FCSK: variants seen among roughly 807,000 people sequenced by gnomAD.
FCSK encodes the protein L-fucose kinase.
FCSK carries 123 observed loss-of-function variants against 122.5 expected under a neutral mutation model. That is an observed-to-expected ratio of 1.00 (90% CI 0.87 to 1.17). The LOEUF is 1.17. Ranked by LOEUF, FCSK falls within the 50% of genes most tolerant of loss-of-function variation. FCSK has a pLI of 0.00. For missense variants in FCSK, 1,366 were observed against 1,450.4 expected (o/e 0.94, Z 0.95); for synonymous variants, 620 against 625.5 (o/e 0.99, Z 0.13).
Position 70,478,408 on chromosome 16 carries a change from C to T in FCSK, c.2778C>T (p.His926=). 2 of 1,614,198 alleles carry T rather than the reference C, an allele frequency of 1.2e-6. No homozygotes were observed. The highest frequency in any genetic ancestry group is 8.5e-7 in the Non-Finnish European group (1 of 1,180,048). ...GCTTTGTCCAGAAGCTCAATGACCA[C>T]CTGCTCTTGGTGTACACTGGCAAGA... is the stretch of plus-strand genomic sequence containing the variant. The part of the protein sequence containing the change: ...PEGFVQKLND[H]LLLVYTGKTR... The change falls in exon 21 of 24, where the codon CAC becomes CAT. Residue 926 remains histidine (H), a synonymous_variant. Transcript: ENST00000288078.
At chr16:70,478,705 T>G (rs2048897874) in intron 22 of FCSK, 55 bp downstream of exon 22, 10 of 1,498,346 alleles carry the variant, frequency 6.7e-6, no homozygotes, top group Non-Finnish European at 9.2e-6. Flanking sequence ...TTCTGTCACT[T>G]GTGGGTTTGA....
At chr16:70,462,437 C>T (rs1026749153) in intron 1 of FCSK, 1 of 152,252 alleles carries the variant, frequency 6.6e-6, no homozygotes, top group African/African-American at 2.4e-5. Context: ...GCAGTCCTCC[C>T]ACCTTAGCTT....
chr16:70,475,622 T>A, intron 19 of FCSK, 26 bp from the exon 20 acceptor site: 1 of 1,575,218 alleles, frequency 6.3e-7, no homozygotes, highest in Non-Finnish European at 8.7e-7. Flanking sequence ...GTGTTTCATG[T>A]CTGCTCTCTC....
chr16:70,472,045 C>T (rs184359038), intron 13 of FCSK, among the ~76,000 whole-genome samples: 2 of 152,064 alleles, frequency 1.3e-5, no homozygotes, highest in Non-Finnish European at 2.9e-5. Flanking sequence ...CCGACCTCAA[C>T]TGATCTGCCT....
At chr16:70,467,573 C>T (rs1026874271) in intron 7 of FCSK, 102 bp downstream of exon 7, 28 of 916,938 alleles carry the variant, frequency 3.1e-5, no homozygotes, top group East Asian at 2.1e-4. Flanking sequence ...TGGATTTCCT[C>T]GCATGTTCCT....
chr16:70,471,605 G>GT (rs973155229), intron 13 of FCSK, among the ~76,000 whole-genome samples: 6 of 151,600 alleles, frequency 4.0e-5, no homozygotes, highest in Middle Eastern at 3.4e-3. Context: ...TGGGGATTTT[G>GT]TTTTTTTTCT....
Position 70,474,870 on chromosome 16 carries a change from C to CG in FCSK, c.2238dup (p.Pro747AlafsTer13). 1 of 1,599,520 alleles carries CG rather than the reference C, an allele frequency of 6.3e-7. No individual in the cohort carries two copies. Among genetic ancestry groups the CG allele is most frequent in the Non-Finnish European group, 8.5e-7 (1 of 1,174,634 alleles). ...CCTGGCTGTGCGAGTGGACGGCCGCCGGCCCATCGGAGCCAGGGCACGCCG... is the reference window on the plus strand; with the variant it reads ...CCTGGCTGTGCGAGTGGACGGCCGCCGGGCCCATCGGAGCCAGGGCACGCCG... On this transcript the variant is annotated frameshift_variant, in exon 18 of 24. Transcript: ENST00000288078. LOFTEE classifies it high-confidence loss of function.
At chr16:70,465,027 G>A in intron 3 of FCSK, 99 bp from the exon 4 acceptor site, 1 of 1,568,526 alleles carries the variant, frequency 6.4e-7, no homozygotes, top group Non-Finnish European at 8.7e-7. Context: ...TTGGGTACCT[G>A]AGTGGATTTG....
chr16:70,464,949 T>C, intron 3 of FCSK, 177 bp from the exon 4 acceptor site: 1 of 1,389,674 alleles, frequency 7.2e-7, no homozygotes, highest in South Asian at 1.4e-5. Context: ...TGGGATCCCT[T>C]ATCCAGGAGG....
intron 2 of FCSK, 104 bp downstream of exon 2, chr16:70,463,376 C>T (rs2048325915): frequency 9.9e-7 from 1 of 1,008,000 alleles, no homozygotes; most frequent in Admixed American, 2.1e-5. Flanking sequence ...GGTTCAAACC[C>T]AGATTGCACT....
At position 70,473,871 on chromosome 16, in the gene FCSK, GC is replaced by G. The variant is rs2048711136; in HGVS notation, c.1778-255del. Among the ~76,000 whole-genome samples, 3 of 152,170 alleles carry G rather than the reference GC, an allele frequency of 2.0e-5. No homozygotes were observed. The highest frequency in any genetic ancestry group is 2.0e-4 in the Admixed American group (3 of 15,282). On this transcript the variant is annotated intron_variant, in intron 15 of 23. Transcript: ENST00000288078. The surrounding 1 kb of genome is among the most constrained non-coding windows in gnomAD (Gnocchi z 4.9). ...TGAGACCTGAGCCCAGGTGGTTTGA[GC>G]CCAGAGCCTGAGCTCTTCACCACTA...
At position 70,474,591 on chromosome 16, in the gene FCSK, G is replaced by A. The variant is rs1597633409; in HGVS notation, c.2052G>A (p.Gln684=). Residue 684 remains glutamine, a synonymous_variant, in exon 17 of 24, where the codon CAG becomes CAA. Transcript: ENST00000288078. Reference sequence around the variant, plus strand: ...GGGCTGGTCAGATCCTGATCCGCCAGGCTGTGATGTCAGCCCAGCACTTTG... The same window carrying A: ...GGGCTGGTCAGATCCTGATCCGCCAAGCTGTGATGTCAGCCCAGCACTTTG... ...YEGAGQILIR[Q]AVMSAQHFVS... is the part of the protein sequence containing the mutation. 1 of 1,569,490 alleles carries A rather than the reference G, an allele frequency of 6.4e-7. No individual in the cohort carries two copies. The highest frequency in any genetic ancestry group is 8.6e-7 in the Non-Finnish European group (1 of 1,156,992).
chr16:70,459,675 T>G (rs1203964468), intron 1 of FCSK, among the ~76,000 whole-genome samples: 5 of 147,460 alleles, frequency 3.4e-5, no homozygotes, highest in Admixed American at 6.8e-5. Context: ...TTTTTTTTTT[T>G]GTAGAGTCCA....
chr16:70,465,770 G>A (rs2048398253), intron 4 of FCSK, among the ~76,000 whole-genome samples: 1 of 151,908 alleles, frequency 6.6e-6, no homozygotes, highest in African/African-American at 2.4e-5. Context: ...TGGCCAGCAT[G>A]GTGAAACTCT....
chr16:70,455,333 G>A (rs1261311211), intron 1 of FCSK, among the ~76,000 whole-genome samples: 1 of 152,310 alleles, frequency 6.6e-6, no homozygotes, highest in African/African-American at 2.4e-5. Context: ...TTGAAAGTGG[G>A]TAGAGGCTGG....
rs777045789 is a variant in FCSK, at chr16:70,466,873, C to G, written c.412-9C>G. The G allele has an allele frequency of 1.9e-6, 3 of 1,611,754 alleles. No individual in the cohort carries two copies. The East Asian group carries it at 6.7e-5, about 36-fold the overall frequency. ...GCACCAGCTGTGTTCTGTCTCCTTC[C>G]CCCCACAGCTGGGCCCGGGCTCCCC... On this transcript the variant is annotated splice_polypyrimidine_tract_variant and intron_variant, in intron 5 of 23. Transcript: ENST00000288078.
At chr16:70,467,819 G>A in intron 7 of FCSK, 67 bp from the exon 8 acceptor site, 1 of 1,357,110 alleles carries the variant, frequency 7.4e-7, no homozygotes, top group Admixed American at 1.7e-5. Context: ...GCTGCCACCT[G>A]TGGCTGTGGC....
chr16:70,462,264 TG>T (rs1181323240), intron 1 of FCSK: 1 of 152,256 alleles, frequency 6.6e-6, no homozygotes, highest in Non-Finnish European at 1.5e-5. Flanking sequence ...CCTCCCACCT[TG>T]GTCTTCCAAA....
intron 5 of FCSK, chr16:70,466,539 T>G: frequency 2.1e-6 from 1 of 474,844 alleles, no homozygotes; most frequent in Admixed American, 3.6e-5. Flanking sequence ...CAAAAAAATT[T>G]TTAAAAAATT....
Sources: allele counts gnomAD v4.1 joint callset (sites outside exome capture counted in the v4.1 genomes callset), GRCh38; gene constraint gnomAD v4.1.1; non-coding constraint Gnocchi (gnomAD v3.1); transcripts MANE v1.5; gene names NCBI Gene and HGNC (gene_info 2026-07-23, HGNC 2026-07-21).